Variants in ELAVL4 observed in about 807,000 individuals in gnomAD.
ELAVL4 encodes the protein ELAV-like protein 4.
In ELAVL4, 1 loss-of-function variant was observed where a neutral mutation model predicts 35.6. The observed-to-expected ratio is 0.03, with a 90% CI of 0.01 to 0.13. The LOEUF (loss-of-function observed/expected upper bound fraction) is 0.13, where lower values mean the gene tolerates loss of function less well. ELAVL4 is among the 10% of genes least tolerant of loss of function. The pLI is 1.00. For missense variants in ELAVL4, 267 were observed against 464.9 expected, an observed-to-expected ratio of 0.57 and a Z score of 3.91; for synonymous variants, 156 against 171.0, an observed-to-expected ratio of 0.91 and a Z score of 0.69.
intron 1 of ELAVL4, among the ~76,000 whole-genome samples, chr1:50,050,326 A>T (rs557519771): frequency 2.0e-5 from 3 of 152,266 alleles, no homozygotes; most frequent in African/African-American, 7.2e-5. Context: ...GGGGAGGGAG[A>T]TTTGGCTACA....
intron 1 of ELAVL4, among the ~76,000 whole-genome samples, chr1:50,139,636 G>T (rs1672481039): frequency 6.6e-6 from 1 of 152,132 alleles, no homozygotes; most frequent in African/African-American, 2.4e-5. Flanking sequence ...ACATATCCAG[G>T]AACTAGTGTT....
At chr1:50,092,328 G>T (rs1317698112) in intron 1 of ELAVL4, among the ~76,000 whole-genome samples, 1 of 152,200 alleles carries the variant, frequency 6.6e-6, no homozygotes, top group Non-Finnish European at 1.5e-5. Flanking sequence ...ACACACAAGG[G>T]GTCGGGGGCA....
At position 50,094,963 on chromosome 1, in the gene ELAVL4, C is replaced by T. The variant is rs999864845; in HGVS notation, c.18+46781C>T. 2.6e-5 allele frequency among the ~76,000 whole-genome samples: 4 copies of T among 151,854 alleles called. No individual in the cohort carries two copies. In the East Asian group the frequency reaches 5.8e-4, roughly 22 times the overall value. On this transcript the variant is annotated intron_variant, in intron 1 of 6. Transcript: ENST00000448907. ...AAAAATAATAATAAAAAAAATTATT[C>T]GGAGGAAGATTAATTGTGAAGCATT... is the stretch of plus-strand genomic sequence containing the variant.
chr1:50,175,871 C>T (rs1320218576), intron 2 of ELAVL4: 1 of 152,196 alleles, frequency 6.6e-6, no homozygotes, highest in Non-Finnish European at 1.5e-5. Flanking sequence ...CCAGCCCTGG[C>T]CCCCGTACTC....
intron 1 of ELAVL4, chr1:50,144,638 G>C (rs1446126076): frequency 3.9e-6 from 2 of 515,886 alleles, no homozygotes; most frequent in African/African-American, 3.9e-5. Context: ...TTATAATTTG[G>C]TGTGGCTTAA....
At chr1:50,085,590 T>C (rs1355087032) in intron 1 of ELAVL4, among the ~76,000 whole-genome samples, 1 of 152,188 alleles carries the variant, frequency 6.6e-6, no homozygotes, top group Non-Finnish European at 1.5e-5. Context: ...TCTAAATCTA[T>C]ATCCAAATAG....
Position 50,155,785 on chromosome 1 carries a change from C to T in ELAVL4, c.250+10588C>T, listed in dbSNP as rs140837722. On this transcript the variant is annotated intron_variant, in intron 2 of 6. Coordinates refer to ENST00000371824, the MANE Select transcript of ELAVL4 (RefSeq NM_001144774.3). ...TGAGTTCTGTCTGGTTTCTCATTAC[C>T]CAGAGCCCTGAGCTGGACAACAAAC... 8.4e-3 allele frequency among the ~76,000 whole-genome samples: 1,277 copies of T among 152,216 alleles called. 16 individuals carry two copies. Among genetic ancestry groups the T allele is most frequent in the Admixed American group, 0.011 (161 of 15,288 alleles).
In ELAVL4 at chr1:50,173,655, A is replaced by G. The variant is rs1412902457; in HGVS notation, c.251-3434A>G. Among the ~76,000 whole-genome samples, 6 of 152,214 alleles carry G rather than the reference A, an allele frequency of 3.9e-5. No homozygotes were observed. In the East Asian group the frequency reaches 9.6e-4, roughly 24 times the overall value. The stretch of plus-strand genomic sequence containing the variant: ...TTTCATATCTCATTTTTTAATAAAG[A>G]GGATTCAATAAATGTAACTTTGATG... On this transcript the variant is annotated intron_variant, in intron 2 of 6. Coordinates refer to ENST00000371824, the MANE Select transcript of ELAVL4 (RefSeq NM_001144774.3).
At chr1:50,054,187 G>A (rs1161420276) in intron 1 of ELAVL4, among the ~76,000 whole-genome samples, 1 of 152,204 alleles carries the variant, frequency 6.6e-6, no homozygotes, top group Admixed American at 6.5e-5. Flanking sequence ...CTCTCCAAAT[G>A]CTTGTTGAAT....
At chr1:50,053,830 A>G (rs940490140) in intron 1 of ELAVL4, among the ~76,000 whole-genome samples, 4 of 152,086 alleles carry the variant, frequency 2.6e-5, no homozygotes, top group African/African-American at 7.2e-5. Context: ...GCTATGTGGG[A>G]AAAAAAATAG....
chr1:50,058,869 G>T (rs1271541460), intron 1 of ELAVL4, among the ~76,000 whole-genome samples: 7 of 152,108 alleles, frequency 4.6e-5, no homozygotes. Flanking sequence ...TTCCCAAAGT[G>T]CTGGGATTAC....
intron 1 of ELAVL4, among the ~76,000 whole-genome samples, chr1:50,110,237 CT>C (rs1474552965): frequency 6.6e-6 from 1 of 152,160 alleles, no homozygotes; most frequent in African/African-American, 2.4e-5. Context: ...AGGTTGGTGT[CT>C]TTTTTGACAA....
intron 1 of ELAVL4, among the ~76,000 whole-genome samples, chr1:50,121,172 T>A (rs938163760): frequency 2.0e-5 from 3 of 152,066 alleles, no homozygotes; most frequent in African/African-American, 7.2e-5. Context: ...GACTTGTGGA[T>A]CTTGGATCTG....
intron 1 of ELAVL4, among the ~76,000 whole-genome samples, chr1:50,143,544 C>A (rs978320715): frequency 3.3e-5 from 5 of 152,064 alleles, no homozygotes; most frequent in African/African-American, 1.2e-4. Flanking sequence ...TACCGCTTTG[C>A]CATACGGTGG....
In ELAVL4 at chr1:50,109,016, C is replaced by CGGGGCCG; in HGVS notation, c.-174_-173insGGGGCCG. ...CTCCTTTTCTTTTTTTTCTTTCTCTCCCCCGCCCACCCCCCCAAAAATAAT... is the reference window on the plus strand; with the variant it reads ...CTCCTTTTCTTTTTTTTCTTTCTCTCGGGGCCGCCCCGCCCACCCCCCCAAAAATAAT... On this transcript the variant is annotated 5_prime_UTR_variant, in exon 1 of 7. Coordinates refer to ENST00000371824, the MANE Select transcript of ELAVL4 (RefSeq NM_001144774.3). The CGGGGCCG allele has an allele frequency of 3.3e-6, 3 of 905,732 alleles. No individual in the cohort carries two copies. The highest frequency in any genetic ancestry group is 3.9e-6 in the Non-Finnish European group (3 of 761,356). The allele number at this position is 905,732 out of a possible 1,614,324, so 56.1% of individuals were successfully genotyped here.
At chr1:50,180,175 A>T (rs1315925882) in intron 3 of ELAVL4, 1 of 151,306 alleles carries the variant, frequency 6.6e-6, no homozygotes, top group East Asian at 1.9e-4. Context: ...ATATGAAAAC[A>T]TCGTTTTGCC....
chr1:50,084,476 A>G (rs1481897720), intron 1 of ELAVL4, among the ~76,000 whole-genome samples: 1 of 152,120 alleles, frequency 6.6e-6, no homozygotes, highest in Non-Finnish European at 1.5e-5. Context: ...GGCTGAGATC[A>G]TACTGTGAAC....
At chr1:50,189,701 A>G (rs1162584034) in intron 3 of ELAVL4, among the ~76,000 whole-genome samples, 1 of 152,168 alleles carries the variant, frequency 6.6e-6, no homozygotes. Context: ...AAAAGCCTGT[A>G]TGACTCATCA....
At chr1:50,171,985 C>G (rs1019315184) in intron 2 of ELAVL4, among the ~76,000 whole-genome samples, 3 of 152,208 alleles carry the variant, frequency 2.0e-5, no homozygotes, top group African/African-American at 7.2e-5. Flanking sequence ...AAATTCCTTA[C>G]TCAACTCAGA....
Sources: gnomAD v4.1 joint callset for allele counts (sites outside exome capture counted in the v4.1 genomes callset) on GRCh38, gnomAD v4.1.1 for gene constraint, MANE v1.5 for transcripts, NCBI Gene and HGNC (gene_info 2026-07-23, HGNC 2026-07-21) for gene names.